Variants in SIRT6 observed in about 807,000 individuals in gnomAD.
SIRT6 encodes the protein sirtuin 6.
SIRT6 carries 21 observed loss-of-function variants against 33.6 expected under a neutral mutation model. The observed-to-expected ratio is 0.62, with a 90% CI of 0.44 to 0.90. SIRT6 has a LOEUF of 0.90. SIRT6 is among the 40% of genes least tolerant of loss of function. SIRT6 has a pLI of 0.00. For synonymous variants in SIRT6, 221 were observed against 223.9 expected, an observed-to-expected ratio of 0.99 and a Z score of 0.12; for missense variants, 504 against 510.6, an observed-to-expected ratio of 0.99 and a Z score of 0.12.
Position 4,182,469 on chromosome 19 carries a change from C to G in SIRT6, c.66+5G>C, listed in dbSNP as rs769355986. Reference sequence around the variant, plus strand: ...GCGATGCTCGGGACCCTCAGACGCGCTCACCTCCGGGAGGCCGCACTTGCC... The same window carrying G: ...GCGATGCTCGGGACCCTCAGACGCGGTCACCTCCGGGAGGCCGCACTTGCC... On this transcript the variant is annotated splice_donor_5th_base_variant and intron_variant, in intron 1 of 7. Transcript: ENST00000337491. 6.2e-7 allele frequency: 1 copy of G among 1,608,654 alleles called. No homozygotes were observed. Among genetic ancestry groups the G allele is most frequent in the South Asian group, 1.1e-5 (1 of 90,388 alleles).
In SIRT6 at chr19:4,175,113, T is replaced by G; in HGVS notation, c.653A>C (p.Gln218Pro). ...CGGCAGGTTCCCGCTGGGCCGGATC[T>G]GCAGCGATGTACCCAGCGTGATGGA... ...DLSITLGTSL[Q>P]IRPSGNLPLA... The change falls in exon 7 of 8, where the codon CAG (glutamine) becomes CCG (proline). Residue 218 changes from glutamine (Q) to proline (P), a missense_variant. Coordinates refer to ENST00000337491, the MANE Select transcript of SIRT6 (RefSeq NM_016539.4). 6.3e-7 allele frequency: 1 copy of G among 1,594,214 alleles called. No individual in the cohort carries two copies. The highest frequency in any genetic ancestry group is 8.5e-7 in the Non-Finnish European group (1 of 1,172,074).
chr19:4,179,211 C>T lies in SIRT6; in HGVS notation c.270G>A (p.Arg90=). 1.2e-6 allele frequency: 2 copies of T among 1,611,346 alleles called. No individual in the cohort carries two copies. Among genetic ancestry groups the T allele is most frequent in the Non-Finnish European group, 8.5e-7 (1 of 1,179,328 alleles). ...CCAGCGCCATGTGGGTCTGCGTGGG[C>T]CGCGCGCTCTCAAAGGTGGTGTCGA... ...PKFDTTFESA[R]PTQTHMALVQ... The change falls in exon 3 of 8, where the codon CGG becomes CGA. Residue 90 remains arginine (R), a synonymous_variant. Transcript: ENST00000337491.
In SIRT6 at chr19:4,174,554, G is replaced by T; in HGVS notation, c.*63C>A. On this transcript the variant is annotated 3_prime_UTR_variant, in exon 8 of 8. Coordinates refer to ENST00000337491, the MANE Select transcript of SIRT6 (RefSeq NM_016539.4). This position sits in a 1 kb window ranked among gnomAD's most constrained non-coding sequence, Gnocchi z 4.2. ...GGGACAGAAACAAGTAACAAAGTGA[G>T]ACCACGAGAGAAAAAGAATCCACAG... The T allele has an allele frequency of 2.2e-6, 3 of 1,348,918 alleles. No homozygotes were observed. Among genetic ancestry groups the T allele is most frequent in the South Asian group, 3.4e-5 (2 of 58,978 alleles). 83.6% of individuals were successfully genotyped at this position (1,348,918 alleles called of 1,614,324 possible).
chr19:4,174,631 C>T lies in SIRT6; in HGVS notation c.1054G>A (p.Ala352Thr). The T allele has an allele frequency of 6.9e-7, 1 of 1,446,122 alleles. No individual in the cohort carries two copies. Among genetic ancestry groups the T allele is most frequent in the Non-Finnish European group, 9.1e-7 (1 of 1,096,522 alleles). The allele number at this position is 1,446,122 out of a possible 1,614,324, so 89.6% of individuals were successfully genotyped here. Residue 352 changes from alanine (A) to threonine (T), a missense_variant, in exon 8 of 8, where the codon GCG becomes ACG. Coordinates refer to ENST00000337491, the MANE Select transcript of SIRT6 (RefSeq NM_016539.4). The surrounding 1 kb of genome is among the most constrained non-coding windows in gnomAD (Gnocchi z 4.2). ...HRPPKRVKAK[A>T]VPS ...AAGCACCCTGGTCAGCTGGGGACCG[C>T]CTTGGCCTTCACCCTTTTGGGGGGT... is the stretch of plus-strand genomic sequence containing the variant.
In SIRT6 at chr19:4,180,907, G is replaced by T; in HGVS notation, c.69C>A (p.Ile23=). ...ADKGKCGLPE[I]FDPPEELERK... is the part of the protein sequence containing the mutation. ...GCTCCAGCTCCTCCGGGGGGTCGAA[G>T]ATCTGTGGGGGGAGAGAGCAGACGG... is the stretch of plus-strand genomic sequence containing the variant. The change falls in exon 2 of 8, where the codon ATC becomes ATA. Residue 23 remains isoleucine (I), a splice_region_variant and synonymous_variant. Coordinates refer to ENST00000337491, the MANE Select transcript of SIRT6 (RefSeq NM_016539.4). 1.2e-6 allele frequency: 2 copies of T among 1,610,396 alleles called. No individual in the cohort carries two copies. The highest frequency in any genetic ancestry group is 8.5e-7 in the Non-Finnish European group (1 of 1,178,476).
At chr19:4,178,333 G>T (rs1967428977) in intron 3 of SIRT6, among the ~76,000 whole-genome samples, 1 of 151,972 alleles carries the variant, frequency 6.6e-6, no homozygotes, top group Non-Finnish European at 1.5e-5. Flanking sequence ...CCCCTCGTTT[G>T]CTTTTATAAG....
chr19:4,177,239 G>A (rs370348809), intron 3 of SIRT6, 101 bp from the exon 4 acceptor site: 16 of 1,046,720 alleles, frequency 1.5e-5, no homozygotes, highest in East Asian at 7.4e-5. Flanking sequence ...AAGGCTTCCC[G>A]GACTCCTCTC....
rs1049866055 is a variant in SIRT6 at position 4,178,031 on chromosome 19, C to CT, written c.378-894dup. On this transcript the variant is annotated intron_variant, in intron 3 of 7. Transcript: ENST00000337491. Reference sequence around the variant, plus strand: ...AGTCACCACACCTGACCCTCCTTTGCTTTTTTTTTTTTCAAGACAGAGTCT... The same window carrying CT: ...AGTCACCACACCTGACCCTCCTTTGCTTTTTTTTTTTTTCAAGACAGAGTCT... 1.3e-3 allele frequency among the ~76,000 whole-genome samples: 190 copies of CT among 141,812 alleles called. 2 individuals are homozygous for CT. Among genetic ancestry groups the CT allele is most frequent in the African/African-American group, 2.8e-3 (109 of 38,932 alleles). The allele number at this position is 141,812 out of a possible 152,430, so 93.0% of individuals were successfully genotyped here. A position where few individuals can be genotyped will look rare whatever the true frequency, so the allele number is the denominator to read the frequency against.
Position 4,175,645 on chromosome 19 carries a change from C to G in SIRT6, c.614+35G>C. 3 of 1,468,542 alleles carry G rather than the reference C, an allele frequency of 2.0e-6. No homozygotes were observed. In the South Asian group the frequency reaches 4.2e-5, roughly 21 times the overall value. 91.0% of individuals were successfully genotyped at this position (1,468,542 alleles called of 1,614,324 possible). A position where few individuals can be genotyped will look rare whatever the true frequency, so the allele number is the denominator to read the frequency against. ...TGTTTCTGCTGTCGTCCCGCCCCGC[C>G]CCACCATGGGCTCCCTGGGGGTGGG... On this transcript the variant is annotated intron_variant, in intron 6 of 7. Transcript: ENST00000337491.
At chr19:4,180,251 C>G (rs921306913) in intron 2 of SIRT6, among the ~76,000 whole-genome samples, 6 of 151,770 alleles carry the variant, frequency 4.0e-5, no homozygotes, top group Non-Finnish European at 7.4e-5. Context: ...ATTACAGGTG[C>G]CTGCCACCAC....
chr19:4,181,182 C>G (rs891376275), intron 1 of SIRT6, among the ~76,000 whole-genome samples: 17 of 152,170 alleles, frequency 1.1e-4, no homozygotes, highest in Admixed American at 7.2e-4. Context: ...CTGCCTCACT[C>G]TGCTCCAGCC....
At chr19:4,181,134 T>C (rs977973191) in intron 1 of SIRT6, among the ~76,000 whole-genome samples, 1 of 151,868 alleles carries the variant, frequency 6.6e-6, no homozygotes, top group African/African-American at 2.4e-5. Flanking sequence ...CTGCACTACC[T>C]CCCTTGCCCC....
In SIRT6 at chr19:4,174,952, G is replaced by C. The variant is rs768175217; in HGVS notation, c.739-6C>G. The C allele has an allele frequency of 6.2e-7, 1 of 1,609,386 alleles. No homozygotes were observed. The highest frequency in any genetic ancestry group is 8.5e-7 in the Non-Finnish European group (1 of 1,179,254). On this transcript the variant is annotated splice_region_variant and splice_polypyrimidine_tract_variant and intron_variant, in intron 7 of 7. Coordinates refer to ENST00000337491, the MANE Select transcript of SIRT6 (RefSeq NM_016539.4). This position sits in a 1 kb window ranked among gnomAD's most constrained non-coding sequence, Gnocchi z 4.2. ...CGGAGGTCAGCATGGCGGTCCTGCC[G>C]AGGGGCGGGACGGGTCAGGCGTGGG...
At chr19:4,175,278 CG>C (rs1967225702) in intron 6 of SIRT6, 127 bp from the exon 7 acceptor site, 1 of 1,315,412 alleles carries the variant, frequency 7.6e-7, no homozygotes. Flanking sequence ...GCCCCACTCC[CG>C]AGTCAGCCTT....
At chr19:4,175,632 C>T (rs762151682) in intron 6 of SIRT6, 48 bp downstream of exon 6, 6 of 1,433,482 alleles carry the variant, frequency 4.2e-6, no homozygotes, top group Admixed American at 2.7e-5. Flanking sequence ...TTTCTGCTGT[C>T]GTCCCGCCCC....
In SIRT6 at chr19:4,175,526, C is replaced by A. The variant is rs899153402; in HGVS notation, c.614+154G>T. 11 of 693,016 alleles carry A rather than the reference C, an allele frequency of 1.6e-5. No individual in the cohort carries two copies. The South Asian group carries it at 2.1e-4, about 13-fold the overall frequency. 42.9% of individuals were successfully genotyped at this position (693,016 alleles called of 1,614,324 possible). A position where few individuals can be genotyped will look rare whatever the true frequency, so the allele number is the denominator to read the frequency against. On this transcript the variant is annotated intron_variant, in intron 6 of 7. Coordinates refer to ENST00000337491, the MANE Select transcript of SIRT6 (RefSeq NM_016539.4). ...ATGAGGTGACGAGTGTGTGTGAGTG[C>A]GTGTGTGCAGCCCCTGGCCTGGCCC...
intron 2 of SIRT6, 79 bp from the exon 3 acceptor site, chr19:4,179,365 G>A (rs769154603): frequency 5.6e-6 from 8 of 1,418,072 alleles, no homozygotes; most frequent in Non-Finnish European, 7.5e-6. Context: ...GAGAGGTATA[G>A]AGAGAAAGTT....
chr19:4,182,546 C>T lies in SIRT6; in HGVS notation c.-7G>A, dbSNP rs1233261044. 1 of 1,609,898 alleles carries T rather than the reference C, an allele frequency of 6.2e-7. No individual in the cohort carries two copies. The highest frequency in any genetic ancestry group is 8.5e-7 in the Non-Finnish European group (1 of 1,178,498). Reference sequence around the variant, plus strand: ...CCGCGTAATTCACCGACATCCTCGACTGCCCCACGGGAACAATAAAGTTTC... The same window carrying T: ...CCGCGTAATTCACCGACATCCTCGATTGCCCCACGGGAACAATAAAGTTTC... On this transcript the variant is annotated 5_prime_UTR_variant, in exon 1 of 8. Coordinates refer to ENST00000337491, the MANE Select transcript of SIRT6 (RefSeq NM_016539.4).
rs1967191724 is a variant in SIRT6, at chr19:4,174,872, C to T, written c.813G>A (p.Leu271=). 1.2e-6 allele frequency: 2 copies of T among 1,601,600 alleles called. No homozygotes were observed. Among genetic ancestry groups the T allele is most frequent in the African/African-American group, 1.3e-5 (1 of 75,000 alleles). Residue 271 remains leucine, a synonymous_variant, in exon 8 of 8, where the codon CTG becomes CTA. Transcript: ENST00000337491. This position sits in a 1 kb window ranked among gnomAD's most constrained non-coding sequence, Gnocchi z 4.2. ...VMTRLMKHLG[L]EIPAWDGPRV... ...GGGGGCCGTCCCAGGCGGGGATCTC[C>T]AGCCCCAGGTGCTTCATGAGCCGGG... is the stretch of plus-strand genomic sequence containing the variant.
Sources: gnomAD v4.1 joint callset for allele counts (sites outside exome capture counted in the v4.1 genomes callset) on GRCh38, gnomAD v4.1.1 for gene constraint, Gnocchi (gnomAD v3.1) non-coding constraint, MANE v1.5 for transcripts, NCBI Gene and HGNC (gene_info 2026-07-23, HGNC 2026-07-21) for gene names.